Variants in RBM26 observed in about 807,000 individuals in gnomAD.
The protein encoded by RBM26 is RNA-binding protein 26.
In RBM26, 30 loss-of-function variants were observed where a neutral mutation model predicts 123.6. The ratio of observed to expected loss-of-function variants is 0.24; its 90% CI spans 0.18 to 0.33. The LOEUF is 0.33. RBM26 is among the 10% of genes least tolerant of loss of function. The pLI is 1.00. For synonymous variants in RBM26, 400 were observed against 404.4 expected (o/e 0.99, Z 0.13); for missense variants, 947 against 1,203.6 (o/e 0.79, Z 3.15).
intron 20 of RBM26, among the ~76,000 whole-genome samples, chr13:79,333,184 G>A (rs2069716431): frequency 6.6e-6 from 1 of 152,152 alleles, no homozygotes; most frequent in Non-Finnish European, 1.5e-5. Flanking sequence ...ACAAGCTTAT[G>A]AGTTTTAAAA....
downstream of RBM26, among the ~76,000 whole-genome samples, chr13:79,316,049 C>A (rs964336773): frequency 6.6e-6 from 1 of 151,702 alleles, no homozygotes; most frequent in Admixed American, 6.6e-5. Flanking sequence ...TTTAATTCTG[C>A]ATTAAATTTC....
At chr13:79,375,416 C>G (rs2076595255) in intron 3 of RBM26, among the ~76,000 whole-genome samples, 1 of 151,826 alleles carries the variant, frequency 6.6e-6, no homozygotes, top group African/African-American at 2.4e-5. Context: ...GGTGATCCAC[C>G]CGCCTCAGCC....
intron 14 of RBM26, 145 bp downstream of exon 14, chr13:79,353,008 C>G: frequency 2.3e-6 from 1 of 434,064 alleles, no homozygotes; most frequent in East Asian, 3.4e-5. Flanking sequence ...TTTTCTTTTT[C>G]AGCAAATGGA....
At position 79,377,472 on chromosome 13, in the gene RBM26, T is replaced by G. The variant is rs758800648; in HGVS notation, c.234A>C (p.Thr78=). The G allele has an allele frequency of 6.2e-7, 1 of 1,613,110 alleles. No homozygotes were observed. The highest frequency in any genetic ancestry group is 2.2e-5 in the East Asian group (1 of 44,852). The change falls in exon 3 of 22, where the codon ACA becomes ACC. Residue 78 remains threonine, a synonymous_variant. Coordinates refer to ENST00000438737, the MANE Select transcript of RBM26 (RefSeq NM_001366735.2). ...FVEKLFDAVN[T]KSYLPPPEQP... ...GCTCTGGAGGAGGTAGGTAACTCTT[T>G]GTATTCACAGCATCAAAAAGTTTTT...
intron 3 of RBM26, among the ~76,000 whole-genome samples, chr13:79,374,289 T>C (rs2076445110): frequency 6.6e-6 from 1 of 152,046 alleles, no homozygotes. Context: ...GCCAACACGC[T>C]GAAATATCAT....
chr13:79,353,042 A>G, intron 14 of RBM26, 111 bp downstream of exon 14: 1 of 538,300 alleles, frequency 1.9e-6, no homozygotes, highest in Non-Finnish European at 3.2e-6. Context: ...GAAAAGATAC[A>G]GATACTATTA....
intron 3 of RBM26, among the ~76,000 whole-genome samples, chr13:79,373,947 G>A (rs542067886): frequency 2.9e-4 from 39 of 132,674 alleles, no homozygotes; most frequent in African/African-American, 1.0e-3. Context: ...CAACAGGAAC[G>A]ACAGGAATCA....
chr13:79,313,366 T>C (rs2066954334), exon 5 of RBM26: 1 of 151,348 alleles, frequency 6.6e-6, no homozygotes, highest in African/African-American at 2.4e-5. Flanking sequence ...TGTTTTTAAT[T>C]TTAAAAGCAA....
intron 1 of RBM26, among the ~76,000 whole-genome samples, chr13:79,392,056 A>G (rs1242748325): frequency 7.1e-6 from 1 of 141,086 alleles, no homozygotes; most frequent in African/African-American, 2.6e-5. Flanking sequence ...ACATTATTAT[A>G]TAATTATGTA....
chr13:79,332,734 C>A (rs1259445155), intron 20 of RBM26, among the ~76,000 whole-genome samples: 1 of 152,056 alleles, frequency 6.6e-6, no homozygotes, highest in Non-Finnish European at 1.5e-5. Context: ...ATACATTAAT[C>A]CCTGGTATTT....
intron 14 of RBM26, among the ~76,000 whole-genome samples, chr13:79,345,916 T>C (rs1334925296): frequency 6.6e-6 from 1 of 151,844 alleles, no homozygotes; most frequent in Admixed American, 6.6e-5. Flanking sequence ...TTCCACGGGG[T>C]GACTGGTTAC....
intron 20 of RBM26, among the ~76,000 whole-genome samples, chr13:79,332,374 T>C (rs1053519969): frequency 2.0e-5 from 3 of 152,184 alleles, no homozygotes; most frequent in African/African-American, 7.2e-5. Context: ...AACACACAAA[T>C]TTTTAAATTC....
At chr13:79,345,540 T>C (rs192139345) in intron 14 of RBM26, among the ~76,000 whole-genome samples, 1 of 152,118 alleles carries the variant, frequency 6.6e-6, no homozygotes, top group African/African-American at 2.4e-5. Context: ...GCCTTTCTCT[T>C]CTGCGCATCT....
At chr13:79,356,432 A>G (rs926441311) in intron 11 of RBM26, among the ~76,000 whole-genome samples, 1 of 151,520 alleles carries the variant, frequency 6.6e-6, no homozygotes, top group East Asian at 1.9e-4. Flanking sequence ...TGCCTGGCTC[A>G]AACTTTGGCA....
Position 79,320,019 on chromosome 13 carries a change from T to A in RBM26, c.*602A>T. On this transcript the variant is annotated 3_prime_UTR_variant, in exon 22 of 22. Coordinates refer to ENST00000438737, the MANE Select transcript of RBM26 (RefSeq NM_001366735.2). ...CCTTTTTTTTTTTTAAAGAGACCAT[T>A]CCACTTTATTATAACATCTGGATGC... The A allele has an allele frequency of 2.2e-6, 2 of 917,268 alleles. No individual in the cohort carries two copies. The highest frequency in any genetic ancestry group is 2.6e-6 in the Non-Finnish European group (2 of 778,800). 56.8% of individuals were successfully genotyped at this position (917,268 alleles called of 1,614,324 possible).
intron 4 of RBM26, 119 bp from the exon 5 acceptor site, chr13:79,371,281 C>A (rs2140034893): frequency 2.5e-6 from 2 of 795,276 alleles, no homozygotes; most frequent in East Asian, 2.7e-5. Context: ...TACCATCAGA[C>A]AACTGAAAAA....
At chr13:79,370,458 A>G (rs1435791029) in intron 5 of RBM26, among the ~76,000 whole-genome samples, 1 of 152,154 alleles carries the variant, frequency 6.6e-6, no homozygotes, top group African/African-American at 2.4e-5. Context: ...TATGGTATGG[A>G]TATACCACAA....
rs143010410 is a variant in RBM26 at position 79,360,569 on chromosome 13, C to A, written c.1418-883G>T. Among the ~76,000 whole-genome samples the A allele has an allele frequency of 5.3e-4, 81 of 152,022 alleles. 1 individual carries two copies. The East Asian group carries it at 0.015, about 28-fold the overall frequency. Reference sequence around the variant, plus strand: ...AAGTTCATAGTTTTGAAATCAAATGCACAATCTAAAAGATTCAAAACTTTA... The same window carrying A: ...AAGTTCATAGTTTTGAAATCAAATGAACAATCTAAAAGATTCAAAACTTTA... On this transcript the variant is annotated intron_variant, in intron 9 of 21. Coordinates refer to ENST00000438737, the MANE Select transcript of RBM26 (RefSeq NM_001366735.2).
chr13:79,382,564 G>T (rs2077146825), intron 1 of RBM26, among the ~76,000 whole-genome samples: 2 of 152,136 alleles, frequency 1.3e-5, no homozygotes, highest in South Asian at 4.1e-4. Flanking sequence ...TGGGGCTGGT[G>T]AGGGAGCAGA....
Sources: allele counts gnomAD v4.1 joint callset (sites outside exome capture counted in the v4.1 genomes callset), GRCh38; gene constraint gnomAD v4.1.1; transcripts MANE v1.5; gene names NCBI Gene and HGNC (gene_info 2026-07-23, HGNC 2026-07-21).